Variants in LIFR observed in about 807,000 individuals in gnomAD.
LIFR encodes the protein LIF receptor subunit alpha.
Under a neutral mutation model 122.2 loss-of-function variants are expected in LIFR, and 84 were observed. That is an observed-to-expected ratio of 0.69 (90% CI 0.58 to 0.82). The LOEUF (loss-of-function observed/expected upper bound fraction) is 0.82, where lower values mean the gene tolerates loss of function less well. Among genes scored for constraint, LIFR ranks in the 40% least tolerant of loss-of-function variants. The pLI, the probability that LIFR is intolerant of heterozygous loss-of-function variation, is 0.00. For missense variants in LIFR, 1,294 were observed against 1,311.6 expected (o/e 0.99, Z 0.21); for synonymous variants, 422 against 434.7 (o/e 0.97, Z 0.36).
intron 1 of LIFR, among the ~76,000 whole-genome samples, chr5:38,547,125 C>G (rs1216906334): frequency 1.3e-5 from 2 of 152,098 alleles, no homozygotes; most frequent in African/African-American, 4.8e-5. Context: ...CCATGTAAGG[C>G]AATGGTATGG....
chr5:38,487,345 G>T (rs1353796606), intron 16 of LIFR, among the ~76,000 whole-genome samples: 1 of 152,174 alleles, frequency 6.6e-6, no homozygotes, highest in Non-Finnish European at 1.5e-5. Flanking sequence ...CGAATTTTAG[G>T]TTGAAAATAA....
At position 38,482,610 on chromosome 5, in the gene LIFR, C is replaced by T; in HGVS notation, c.2649G>A (p.Gln883=). Residue 883 remains glutamine (Q), a synonymous_variant, in exon 19 of 20, where the codon CAG becomes CAA. Transcript: ENST00000453190. ...IPNPENCKAL[Q]FQKSVCEGSS... is the part of the protein sequence containing the mutation. ...TTACCTCACAGACACTCTTTTGAAACTGTAATGCTTTACAGTTTTCTGGAT... is the reference window on the plus strand; with the variant it reads ...TTACCTCACAGACACTCTTTTGAAATTGTAATGCTTTACAGTTTTCTGGAT... The T allele has an allele frequency of 6.7e-7, 1 of 1,502,246 alleles. No individual in the cohort carries two copies. The highest frequency in any genetic ancestry group is 9.1e-7 in the Non-Finnish European group (1 of 1,102,802). 93.1% of individuals were successfully genotyped at this position (1,502,246 alleles called of 1,614,324 possible).
chr5:38,552,301 C>T (rs1748247086), intron 1 of LIFR, among the ~76,000 whole-genome samples: 1 of 152,218 alleles, frequency 6.6e-6, no homozygotes, highest in South Asian at 2.1e-4. Flanking sequence ...TCTTATTAGA[C>T]ATCTATAACA....
intron 1 of LIFR, among the ~76,000 whole-genome samples, chr5:38,569,969 G>C (rs1215052489): frequency 6.6e-6 from 1 of 152,094 alleles, no homozygotes; most frequent in East Asian, 1.9e-4. Flanking sequence ...CTCCCGATAA[G>C]TGTTAGTTGA....
chr5:38,597,515 A>G (rs1750131080), upstream of LIFR, among the ~76,000 whole-genome samples: 1 of 152,144 alleles, frequency 6.6e-6, no homozygotes, highest in Admixed American at 6.5e-5. Flanking sequence ...TAAAGCACCA[A>G]AGTAGTGGGC....
intron 7 of LIFR, among the ~76,000 whole-genome samples, chr5:38,508,640 G>T (rs374223007): frequency 6.6e-6 from 1 of 151,712 alleles, no homozygotes; most frequent in African/African-American, 2.4e-5. Context: ...GCAGTGGTGC[G>T]ATCTCAGCTC....
chr5:38,521,411 A>G (rs574018348), intron 5 of LIFR, among the ~76,000 whole-genome samples: 1 of 152,062 alleles, frequency 6.6e-6, no homozygotes, highest in African/African-American at 2.4e-5. Flanking sequence ...GATCCCTTTT[A>G]TTTTCTCTCT....
At chr5:38,556,655 C>CG (rs1042741777), upstream of LIFR, 8 of 146,586 alleles carry the variant, frequency 5.5e-5, no homozygotes, top group Non-Finnish European at 1.2e-4. Context: ...CTGCGGCGCG[C>CG]GGGGGCGGCG....
chr5:38,549,769 CA>C (rs1403855921), intron 1 of LIFR, among the ~76,000 whole-genome samples: 3 of 152,132 alleles, frequency 2.0e-5, no homozygotes, highest in Non-Finnish European at 4.4e-5. Context: ...CCAGCCAGGG[CA>C]ACACAGCGAG....
At chr5:38,586,007 T>G (rs1481679785) in intron 1 of LIFR, among the ~76,000 whole-genome samples, 1 of 152,118 alleles carries the variant, frequency 6.6e-6, no homozygotes. Context: ...CTAAGCCGAG[T>G]GTAGCATCAC....
At chr5:38,543,680 A>G (rs1217516903) in intron 1 of LIFR, among the ~76,000 whole-genome samples, 2 of 152,212 alleles carry the variant, frequency 1.3e-5, no homozygotes, top group African/African-American at 4.8e-5. Flanking sequence ...ATGTTCATCA[A>G]TTTGGGATTG....
chr5:38,572,300 G>T (rs1397934594), intron 1 of LIFR, among the ~76,000 whole-genome samples: 1 of 152,092 alleles, frequency 6.6e-6, no homozygotes, highest in Admixed American at 6.5e-5. Flanking sequence ...GCAGGAACAA[G>T]ATATATAGAG....
intron 1 of LIFR, among the ~76,000 whole-genome samples, chr5:38,590,000 G>A (rs1009749562): frequency 2.6e-5 from 4 of 152,098 alleles, no homozygotes; most frequent in African/African-American, 9.7e-5. Context: ...ATCCCATTTT[G>A]ATTATTCCTA....
intron 2 of LIFR, among the ~76,000 whole-genome samples, chr5:38,529,602 A>G (rs1474076233): frequency 6.6e-6 from 1 of 152,120 alleles, no homozygotes; most frequent in East Asian, 1.9e-4. Flanking sequence ...CAATGAAAAA[A>G]GTCACCCCGA....
At chr5:38,509,390 C>T (rs1405105778) in intron 7 of LIFR, among the ~76,000 whole-genome samples, 1 of 151,974 alleles carries the variant, frequency 6.6e-6, no homozygotes, top group Non-Finnish European at 1.5e-5. Flanking sequence ...ACTTGAATTC[C>T]AAATGCATTA....
At chr5:38,604,344 C>T (rs1750281897) in intron 2 of LIFR, among the ~76,000 whole-genome samples, 1 of 152,140 alleles carries the variant, frequency 6.6e-6, no homozygotes, top group African/African-American at 2.4e-5. Context: ...CAGCACATTC[C>T]CCCAGAGACA....
At chr5:38,505,752 AT>A (rs1167400710) in intron 9 of LIFR, among the ~76,000 whole-genome samples, 152 bp downstream of exon 9, 3 of 152,186 alleles carry the variant, frequency 2.0e-5, no homozygotes, top group Non-Finnish European at 4.4e-5. Flanking sequence ...GAAATTATAC[AT>A]TTAAAGTTTT....
At chr5:38,536,387 A>G (rs2112592165) in intron 1 of LIFR, among the ~76,000 whole-genome samples, 1 of 152,352 alleles carries the variant, frequency 6.6e-6, no homozygotes, top group Admixed American at 6.5e-5. Flanking sequence ...AACTGCTTAC[A>G]TAGCATTAAC....
chr5:38,491,474 G>T (rs940388212), intron 14 of LIFR, among the ~76,000 whole-genome samples: 4 of 152,228 alleles, frequency 2.6e-5, no homozygotes, highest in African/African-American at 9.6e-5. Context: ...ATCTGAATAA[G>T]GCCTTGAAGG....
Sources: gnomAD v4.1 joint callset for allele counts (sites outside exome capture counted in the v4.1 genomes callset) on GRCh38, gnomAD v4.1.1 for gene constraint, MANE v1.5 for transcripts, NCBI Gene and HGNC (gene_info 2026-07-23, HGNC 2026-07-21) for gene names.